LANCL2: variants seen among roughly 807,000 people sequenced by gnomAD.
The protein encoded by LANCL2 is lanC-like protein 2.
Under a neutral mutation model 56.9 loss-of-function variants are expected in LANCL2, and 33 were observed. The observed-to-expected ratio is 0.58, with a 90% CI of 0.44 to 0.78. The LOEUF (loss-of-function observed/expected upper bound fraction) is 0.78. LANCL2 is among the 30% of genes least tolerant of loss of function. LANCL2 has a pLI of 0.00. For synonymous variants in LANCL2, 233 were observed against 228.2 expected (o/e 1.02, Z -0.19); for missense variants, 562 against 580.2 (o/e 0.97, Z 0.32).
At chr7:55,376,553 C>T (rs544771553) in intron 1 of LANCL2, among the ~76,000 whole-genome samples, 7 of 152,326 alleles carry the variant, frequency 4.6e-5, no homozygotes, top group African/African-American at 1.7e-4. Flanking sequence ...CTTTCCATCC[C>T]CTCTCCACCC....
At chr7:55,413,407 T>G (rs928771260) in intron 6 of LANCL2, among the ~76,000 whole-genome samples, 1 of 152,238 alleles carries the variant, frequency 6.6e-6, no homozygotes, top group African/African-American at 2.4e-5. Context: ...CCCTTCACTT[T>G]AAAGAGGCTC....
chr7:55,433,068 C>G lies in LANCL2; in HGVS notation c.*1748C>G, dbSNP rs1790749491. On this transcript the variant is annotated 3_prime_UTR_variant, in exon 9 of 9. Transcript: ENST00000254770. ...CACATCAAAACATAACACATCACAG[C>G]ACTCAGTAGAGGTCCTGCCTCCCCA... The G allele has an allele frequency of 6.6e-6, 1 of 152,412 alleles. No homozygotes were observed. Among genetic ancestry groups the G allele is most frequent in the African/African-American group, 2.4e-5 (1 of 41,466 alleles). 9.4% of individuals were successfully genotyped at this position (152,412 alleles called of 1,614,324 possible).
At chr7:55,371,927 G>T (rs1426925975) in intron 1 of LANCL2, among the ~76,000 whole-genome samples, 1 of 152,078 alleles carries the variant, frequency 6.6e-6, no homozygotes, top group Admixed American at 6.6e-5. Flanking sequence ...GTGTGTGTGT[G>T]TCAGGTGGAA....
At chr7:55,419,622 G>A (rs1280462580) in intron 6 of LANCL2, among the ~76,000 whole-genome samples, 2 of 151,850 alleles carry the variant, frequency 1.3e-5, no homozygotes, top group East Asian at 1.9e-4. Flanking sequence ...GGCTGGTCTC[G>A]AACTCCTGAC....
chr7:55,390,413 C>G (rs150652408), intron 1 of LANCL2, among the ~76,000 whole-genome samples: 1 of 152,108 alleles, frequency 6.6e-6, no homozygotes, highest in African/African-American at 2.4e-5. Flanking sequence ...CAAGACCAGC[C>G]TGGCCAACAT....
At chr7:55,426,124 A>AC (rs1269940734) in intron 7 of LANCL2, among the ~76,000 whole-genome samples, 2 of 151,376 alleles carry the variant, frequency 1.3e-5, no homozygotes, top group East Asian at 1.9e-4. Context: ...GATCTTTGAG[A>AC]CCCCCCAAGT....
chr7:55,396,501 G>T (rs1790254313), intron 2 of LANCL2, among the ~76,000 whole-genome samples: 1 of 152,190 alleles, frequency 6.6e-6, no homozygotes, highest in South Asian at 2.1e-4. Context: ...GCTTCTGCTG[G>T]CCATCCTGGC....
intron 7 of LANCL2, among the ~76,000 whole-genome samples, chr7:55,426,415 A>C (rs1790664271): frequency 6.6e-6 from 1 of 152,260 alleles, no homozygotes; most frequent in Admixed American, 6.5e-5. Flanking sequence ...AAGAAAATAC[A>C]CTAAAGTGTG....
intron 8 of LANCL2, among the ~76,000 whole-genome samples, chr7:55,430,130 C>A (rs1790712404): frequency 1.3e-5 from 2 of 152,228 alleles, no homozygotes. Flanking sequence ...GTTATGGGTC[C>A]CTGTTTACTT....
chr7:55,391,706 T>C (rs1164411312), intron 1 of LANCL2, 87 bp from the exon 2 acceptor site: 1 of 743,272 alleles, frequency 1.3e-6, no homozygotes, highest in Non-Finnish European at 2.4e-6. Context: ...CTGTCTGTTA[T>C]GTTTGTACAA....
chr7:55,366,179 C>G lies in LANCL2; in HGVS notation c.154C>G (p.Pro52Ala). The G allele has an allele frequency of 6.4e-7, 1 of 1,556,414 alleles. No homozygotes were observed. The highest frequency in any genetic ancestry group is 8.7e-7 in the Non-Finnish European group (1 of 1,149,516). Residue 52 changes from proline to alanine, a missense_variant, in exon 1 of 9, where the codon CCC (proline) becomes GCC (alanine). By Grantham distance (27) the Pro-to-Ala change is conservative (BLOSUM62 -1). Transcript: ENST00000254770. ...GAAEETGCVR[P>A]PATTDEPGLP... ...GGCCGAAGAGACAGGCTGTGTTCGT[C>G]CCCCGGCGACCACGGATGAGCCCGG...
rs139831219 is a variant in LANCL2 at position 55,416,947 on chromosome 7, A to C, written c.1008+4858A>C. 5.0e-4 allele frequency among the ~76,000 whole-genome samples: 72 copies of C among 145,262 alleles called. 1 individual carries two copies. Among genetic ancestry groups the C allele is most frequent in the African/African-American group, 1.8e-3 (70 of 39,072 alleles). ...TATCTCAAATTAAGTTTTGTATATT[A>C]CATGAGGTAACAAACGAGGTGGTTT... On this transcript the variant is annotated intron_variant, in intron 6 of 8. Transcript: ENST00000254770.
In LANCL2 at chr7:55,377,658, A is replaced by C. The variant is rs138416372; in HGVS notation, c.204+11429A>C. On this transcript the variant is annotated intron_variant, in intron 1 of 8. Coordinates refer to ENST00000254770, the MANE Select transcript of LANCL2 (RefSeq NM_018697.4). ...ACACCTCACAAGGGGTTTTACAACC[A>C]GTGATTAATATCTACTCCAATATAT... 3.6e-3 allele frequency among the ~76,000 whole-genome samples: 541 copies of C among 152,356 alleles called. 6 individuals carry two copies. Among genetic ancestry groups the C allele is most frequent in the African/African-American group, 0.012 (513 of 41,582 alleles).
At chr7:55,397,656 C>CTTTTTTTTTTTTTTTTTTTTTTTTTTTT (rs10659615) in intron 2 of LANCL2, among the ~76,000 whole-genome samples, 1 of 108,852 alleles carries the variant, frequency 9.2e-6, no homozygotes, top group Non-Finnish European at 1.8e-5. Flanking sequence ...TATACTGATT[C>CTTTTTTTTTTTTTTTTTTTTTTTTTTTT]TTTTTTTTTT....
At chr7:55,379,780 T>C (rs1790044908) in intron 1 of LANCL2, 1 of 152,550 alleles carries the variant, frequency 6.6e-6, no homozygotes, top group Non-Finnish European at 1.5e-5. Flanking sequence ...TTAAATACAT[T>C]TACAAGCACA....
chr7:55,369,579 A>T (rs1789914248), intron 1 of LANCL2, among the ~76,000 whole-genome samples: 1 of 152,010 alleles, frequency 6.6e-6, no homozygotes, highest in Non-Finnish European at 1.5e-5. Context: ...TGACGCAGAC[A>T]CTCTTAGTTA....
chr7:55,402,507 G>T (rs1227167131), intron 5 of LANCL2, among the ~76,000 whole-genome samples: 1 of 145,508 alleles, frequency 6.9e-6, no homozygotes. Flanking sequence ...CGGCCGGGCA[G>T]AGGCGCCCCC....
At chr7:55,402,802 C>T (rs1183804672) in intron 5 of LANCL2, among the ~76,000 whole-genome samples, 5 of 118,514 alleles carry the variant, frequency 4.2e-5, no homozygotes, top group African/African-American at 6.9e-5. Flanking sequence ...ACTTCTCAGA[C>T]GGGGCGGCCG....
intron 5 of LANCL2, among the ~76,000 whole-genome samples, chr7:55,408,320 A>C (rs1019557686): frequency 1.3e-5 from 2 of 152,136 alleles, no homozygotes; most frequent in Non-Finnish European, 2.9e-5. Flanking sequence ...AGACCTAGTG[A>C]GGGAGAACAC....
Sources: allele counts gnomAD v4.1 joint callset (sites outside exome capture counted in the v4.1 genomes callset), GRCh38; gene constraint gnomAD v4.1.1; transcripts MANE v1.5; gene names NCBI Gene and HGNC (gene_info 2026-07-23, HGNC 2026-07-21).